QTMAN: variants seen among roughly 807,000 people sequenced by gnomAD.
The protein encoded by QTMAN is tRNA-queuosine alpha-mannosyltransferase.
At chr2:143,947,087 A>T in the QTMAN span, 2 of 1,613,968 alleles carry the variant, frequency 1.2e-6, no homozygotes, top group Admixed American at 3.3e-5. Context: ...GTAAGCAGAG[A>T]CCTGAATTTA....
At chr2:143,988,043 GA>G in the QTMAN span, among the ~76,000 whole-genome samples, 1 of 152,152 alleles carries the variant, frequency 6.6e-6, no homozygotes, top group South Asian at 2.1e-4. Context: ...TTTTCCTCTA[GA>G]ACCCAAGGAG....
chr2:144,230,797 G>T, the QTMAN span, among the ~76,000 whole-genome samples: 1 of 152,056 alleles, frequency 6.6e-6, no homozygotes, highest in Non-Finnish European at 1.5e-5. Flanking sequence ...TTTGTTCAAT[G>T]TTAGTAAGAT....
At chr2:144,249,809 T>A in the QTMAN span, among the ~76,000 whole-genome samples, 1 of 152,190 alleles carries the variant, frequency 6.6e-6, no homozygotes, top group African/African-American at 2.4e-5. Flanking sequence ...AACTGAACTT[T>A]ATATGAGCAT....
the QTMAN span, among the ~76,000 whole-genome samples, chr2:144,051,841 TG>T: frequency 6.6e-6 from 1 of 152,114 alleles, no homozygotes; most frequent in South Asian, 2.1e-4. Context: ...GCAGTCTAGA[TG>T]GGAAGGAATG....
the QTMAN span, among the ~76,000 whole-genome samples, chr2:144,122,699 G>A: frequency 2.6e-5 from 4 of 152,136 alleles, no homozygotes; most frequent in African/African-American, 9.7e-5. Flanking sequence ...TTATCTACAT[G>A]TGTACAAGCT....
chr2:144,067,685 G>A, the QTMAN span, among the ~76,000 whole-genome samples: 1 of 152,156 alleles, frequency 6.6e-6, no homozygotes, highest in Admixed American at 6.5e-5. Context: ...AGCTGGGAGT[G>A]GGGAGGGTTT....
the QTMAN span, among the ~76,000 whole-genome samples, chr2:144,331,579 T>C: frequency 2.6e-5 from 4 of 152,062 alleles, no homozygotes; most frequent in Non-Finnish European, 5.9e-5. Context: ...CCTCAAGGCA[T>C]TAACTTAAGA....
the QTMAN span, among the ~76,000 whole-genome samples, chr2:144,232,158 G>C: frequency 1.3e-5 from 2 of 152,176 alleles, no homozygotes; most frequent in Admixed American, 1.3e-4. Flanking sequence ...GGGAACTGTA[G>C]CATTTATTAC....
At chr2:144,332,884 T>C in the QTMAN span, among the ~76,000 whole-genome samples, 2 of 152,210 alleles carry the variant, frequency 1.3e-5, no homozygotes, top group East Asian at 3.9e-4. Context: ...TCACCTTCTC[T>C]TTCCTTCTGG....
chr2:144,114,816 G>C, the QTMAN span, among the ~76,000 whole-genome samples: 1 of 152,176 alleles, frequency 6.6e-6, no homozygotes, highest in Non-Finnish European at 1.5e-5. Context: ...GCAACTAGAA[G>C]ATAGGTTAAT....
At chr2:144,235,144 A>C in the QTMAN span, among the ~76,000 whole-genome samples, 7 of 152,202 alleles carry the variant, frequency 4.6e-5, no homozygotes, top group Non-Finnish European at 1.0e-4. Context: ...TGTAGTGCCA[A>C]AGTAGTCCAG....
At chr2:144,297,862 G>C in the QTMAN span, among the ~76,000 whole-genome samples, 1 of 151,148 alleles carries the variant, frequency 6.6e-6, no homozygotes, top group African/African-American at 2.4e-5. Context: ...TTACAGGTGT[G>C]AGCCACAGTG....
the QTMAN span, among the ~76,000 whole-genome samples, chr2:144,280,430 T>C: frequency 6.6e-6 from 1 of 152,126 alleles, no homozygotes; most frequent in Non-Finnish European, 1.5e-5. Flanking sequence ...ATCAACAGCA[T>C]AGATGCAGCC....
At chr2:144,161,233 G>A in the QTMAN span, among the ~76,000 whole-genome samples, 2 of 152,038 alleles carry the variant, frequency 1.3e-5, no homozygotes, top group Non-Finnish European at 2.9e-5. Context: ...CTATGATTAT[G>A]ACTCATATCA....
At chr2:144,300,155 GAAGGTGAAAAGCTTTGGATA>G in the QTMAN span, among the ~76,000 whole-genome samples, 3 of 152,304 alleles carry the variant, frequency 2.0e-5, no homozygotes, top group Non-Finnish European at 4.4e-5. Flanking sequence ...TTCAGTTGAG[GAAGGTGAAAAGCTTTGGATA>G]AAGATGGTAG....
chr2:144,224,869 C>T, the QTMAN span, among the ~76,000 whole-genome samples: 2 of 152,220 alleles, frequency 1.3e-5, no homozygotes, highest in East Asian at 1.9e-4. Context: ...AATATAGTCT[C>T]GGGTCTCAGG....
At chr2:144,326,330 G>A in the QTMAN span, among the ~76,000 whole-genome samples, 1 of 152,128 alleles carries the variant, frequency 6.6e-6, no homozygotes. Flanking sequence ...GCTCACGCCT[G>A]TAATCCCAGC....
the QTMAN span, chr2:144,007,171 C>T: frequency 6.6e-7 from 1 of 1,517,570 alleles, no homozygotes; most frequent in Non-Finnish European, 9.0e-7. Flanking sequence ...AATTGGCATG[C>T]CTTGACTTAC....
the QTMAN span, among the ~76,000 whole-genome samples, chr2:144,087,669 ATC>A: frequency 2.6e-4 from 39 of 152,248 alleles, no homozygotes; most frequent in African/African-American, 9.4e-4. Flanking sequence ...ATCAATAAAC[ATC>A]ATATATCACA....
Sources: gnomAD v4.1 joint callset for allele counts (sites outside exome capture counted in the v4.1 genomes callset) on GRCh38, gnomAD v4.1.1 for gene constraint, MANE v1.5 for transcripts, NCBI Gene and HGNC (gene_info 2026-07-23, HGNC 2026-07-21) for gene names.